The following AGBL1 variants were observed in gnomAD, a reference collection of about 807,000 sequenced individuals.
AGBL1 encodes the protein AGBL carboxypeptidase 1, also known as cytosolic carboxypeptidase 4.
AGBL1 carries 130 observed loss-of-function variants against 118.9 expected under a neutral mutation model. The observed-to-expected ratio is 1.09, with a 90% CI of 0.95 to 1.26. AGBL1 has a LOEUF of 1.26. Ranked by LOEUF, AGBL1 falls within the 50% of genes most tolerant of loss-of-function variation. The probability of loss-of-function intolerance (pLI) is 0.00; values close to 1 mark genes in which losing one functional copy is unlikely to be tolerated. For missense variants in AGBL1, 1,584 were observed against 1,298.1 expected, an observed-to-expected ratio of 1.22 and a Z score of -3.38; for synonymous variants, 555 against 478.9, an observed-to-expected ratio of 1.16 and a Z score of -2.08.
chr15:87,009,510 A>G (rs1275260951), intron 24 of AGBL1, among the ~76,000 whole-genome samples: 7 of 152,200 alleles, frequency 4.6e-5, no homozygotes, highest in African/African-American at 1.7e-4. Flanking sequence ...GTTGGATTGG[A>G]GCCCCCACAC....
At chr15:86,136,646 G>C (rs2076893086) in intron 1 of AGBL1, among the ~76,000 whole-genome samples, 1 of 152,212 alleles carries the variant, frequency 6.6e-6, no homozygotes, top group African/African-American at 2.4e-5. Context: ...AGGTACCCAT[G>C]ATACTCTTGG....
chr15:86,994,359 G>A (rs2081360990), intron 24 of AGBL1, among the ~76,000 whole-genome samples: 1 of 152,084 alleles, frequency 6.6e-6, no homozygotes, highest in Non-Finnish European at 1.5e-5. Flanking sequence ...CCAGGATGGG[G>A]TCGGATGGGC....
chr15:86,986,108 G>C (rs751589087), intron 23 of AGBL1, among the ~76,000 whole-genome samples: 2 of 152,034 alleles, frequency 1.3e-5, no homozygotes, highest in Non-Finnish European at 2.9e-5. Context: ...ATTTTTAGTA[G>C]AGACGGGGTT....
intron 17 of AGBL1, among the ~76,000 whole-genome samples, chr15:86,352,770 G>A (rs1267699327): frequency 6.6e-6 from 1 of 152,260 alleles, no homozygotes; most frequent in Non-Finnish European, 1.5e-5. Context: ...ACAGGCTTGA[G>A]CCACCATGCC....
chr15:86,797,907 A>G (rs187791559), intron 22 of AGBL1, among the ~76,000 whole-genome samples: 19 of 152,336 alleles, frequency 1.2e-4, no homozygotes, highest in South Asian at 4.1e-4. Context: ...GTCAAATGGT[A>G]TTCTGCTAAT....
chr15:86,837,088 G>A (rs1343768773), intron 22 of AGBL1, among the ~76,000 whole-genome samples: 1 of 152,116 alleles, frequency 6.6e-6, no homozygotes, highest in African/African-American at 2.4e-5. Flanking sequence ...AAATTGATGA[G>A]TGAGTAAATG....
chr15:86,352,465 T>G (rs2080642472), intron 17 of AGBL1, among the ~76,000 whole-genome samples: 1 of 151,988 alleles, frequency 6.6e-6, no homozygotes, highest in South Asian at 2.1e-4. Context: ...CCTTGTCTCC[T>G]GTTACTTTTC....
intron 22 of AGBL1, among the ~76,000 whole-genome samples, chr15:86,702,434 G>T (rs1378880058): frequency 6.6e-6 from 1 of 152,088 alleles, no homozygotes; most frequent in Non-Finnish European, 1.5e-5. Context: ...TGCTCAATAA[G>T]TACTGAATGG....
intron 22 of AGBL1, among the ~76,000 whole-genome samples, chr15:86,844,202 C>T (rs1437430024): frequency 6.6e-6 from 1 of 152,138 alleles, no homozygotes. Context: ...CACTCACATA[C>T]TAATCATTGT....
At chr15:86,440,185 T>C (rs1459095022) in intron 18 of AGBL1, among the ~76,000 whole-genome samples, 1 of 152,196 alleles carries the variant, frequency 6.6e-6, no homozygotes, top group African/African-American at 2.4e-5. Context: ...AATGATACTT[T>C]GAAAATCATT....
At chr15:86,676,486 A>G (rs2085849604) in intron 22 of AGBL1, among the ~76,000 whole-genome samples, 1 of 152,198 alleles carries the variant, frequency 6.6e-6, no homozygotes. Context: ...GAAACCATCA[A>G]CAGGCTTTTT....
intron 17 of AGBL1, among the ~76,000 whole-genome samples, chr15:86,371,256 G>T (rs2080966594): frequency 6.6e-6 from 1 of 152,190 alleles, no homozygotes; most frequent in Admixed American, 6.5e-5. Context: ...AGAACAAAGA[G>T]ATTTGAAAGG....
At chr15:86,923,575 A>C (rs2080501862) in intron 23 of AGBL1, among the ~76,000 whole-genome samples, 1 of 152,162 alleles carries the variant, frequency 6.6e-6, no homozygotes, top group Non-Finnish European at 1.5e-5. Context: ...GCAATTAACT[A>C]TATCCTTTCG....
intron 21 of AGBL1, chr15:86,556,295 C>A: frequency 6.2e-7 from 1 of 1,607,212 alleles, no homozygotes; most frequent in African/African-American, 1.3e-5. Flanking sequence ...GGTATTGGAG[C>A]AGCATTTATC....
chr15:86,822,454 G>C (rs905671040), intron 22 of AGBL1, among the ~76,000 whole-genome samples: 3 of 152,170 alleles, frequency 2.0e-5, no homozygotes, highest in Non-Finnish European at 2.9e-5. Flanking sequence ...TTCTGCAGTG[G>C]CATCACCATC....
intron 23 of AGBL1, among the ~76,000 whole-genome samples, chr15:86,955,905 G>T (rs1378622411): frequency 1.3e-5 from 2 of 152,044 alleles, no homozygotes; most frequent in Non-Finnish European, 2.9e-5. Context: ...TTGTGGCCAT[G>T]GAGAAACTCC....
intron 1 of AGBL1, among the ~76,000 whole-genome samples, chr15:86,141,040 C>G (rs1239795408): frequency 6.6e-6 from 1 of 152,158 alleles, no homozygotes; most frequent in African/African-American, 2.4e-5. Context: ...AAATAAAATA[C>G]CCTCTCCTCC....
At chr15:86,988,840 A>C (rs557559700) in intron 24 of AGBL1, among the ~76,000 whole-genome samples, 1 of 152,272 alleles carries the variant, frequency 6.6e-6, no homozygotes, top group Admixed American at 6.5e-5. Context: ...ATGAATATTA[A>C]TATCACCCCA....
intron 22 of AGBL1, among the ~76,000 whole-genome samples, chr15:86,733,843 T>C (rs1216534231): frequency 6.6e-6 from 1 of 152,168 alleles, no homozygotes; most frequent in Non-Finnish European, 1.5e-5. Context: ...GGGAACTTCT[T>C]TGGGAAGGGT....
Sources: allele counts gnomAD v4.1 joint callset (sites outside exome capture counted in the v4.1 genomes callset), GRCh38; gene constraint gnomAD v4.1.1; transcripts MANE v1.5; gene names NCBI Gene and HGNC (gene_info 2026-07-23, HGNC 2026-07-21).